The following AGTPBP1 variants were observed in gnomAD, a reference collection of about 807,000 sequenced individuals.
AGTPBP1 encodes the protein cytosolic carboxypeptidase 1.
Under a neutral mutation model 143.9 loss-of-function variants are expected in AGTPBP1, and 70 were observed. That is an observed-to-expected ratio of 0.49 (90% confidence interval 0.40 to 0.59). AGTPBP1 has a LOEUF of 0.59. AGTPBP1 is among the 20% of genes least tolerant of loss of function. The probability of loss-of-function intolerance (pLI) is 0.00; values close to 1 mark genes in which losing one functional copy is unlikely to be tolerated. For synonymous variants in AGTPBP1, 463 were observed against 500.2 expected, an observed-to-expected ratio of 0.93 and a Z score of 0.99; for missense variants, 1,229 against 1,464.5, an observed-to-expected ratio of 0.84 and a Z score of 2.62.
At chr9:85,695,212 A>G (rs1005772009) in intron 2 of AGTPBP1, among the ~76,000 whole-genome samples, 2 of 152,192 alleles carry the variant, frequency 1.3e-5, no homozygotes, top group African/African-American at 4.8e-5. Flanking sequence ...TACATTTCAC[A>G]TAACTATAGG....
At chr9:85,634,640 C>G (rs1831915307) in intron 13 of AGTPBP1, among the ~76,000 whole-genome samples, 1 of 151,974 alleles carries the variant, frequency 6.6e-6, no homozygotes, top group South Asian at 2.1e-4. Context: ...ACATTTTGGG[C>G]CAGATCATTC....
intron 9 of AGTPBP1, among the ~76,000 whole-genome samples, chr9:85,659,081 T>C (rs75390251): frequency 0.022 from 3,418 of 152,278 alleles, 133 homozygotes; most frequent in African/African-American, 0.073. Flanking sequence ...ATGGAATTTA[T>C]GAGAAATATT....
At chr9:85,609,572 CGCCCG>C (rs1830195011) in intron 17 of AGTPBP1, among the ~76,000 whole-genome samples, 1 of 152,096 alleles carries the variant, frequency 6.6e-6, no homozygotes. Context: ...TGAGCCACCG[CGCCCG>C]GCCAGATCTT....
chr9:85,690,408 C>A (rs934572765), intron 3 of AGTPBP1, among the ~76,000 whole-genome samples: 3 of 152,176 alleles, frequency 2.0e-5, no homozygotes, highest in African/African-American at 4.8e-5. Flanking sequence ...AGGAGTTAGA[C>A]CCCAGTGGTG....
the AGTPBP1 span, among the ~76,000 whole-genome samples, chr9:85,778,759 C>T: frequency 6.6e-6 from 1 of 152,154 alleles, no homozygotes; most frequent in African/African-American, 2.4e-5. Context: ...CACCACTGGA[C>T]CCCTAGAAAT....
At chr9:85,768,658 T>C in the AGTPBP1 span, among the ~76,000 whole-genome samples, 6 of 152,332 alleles carry the variant, frequency 3.9e-5, no homozygotes, top group South Asian at 2.1e-4. Flanking sequence ...TTATTCCTTA[T>C]GGAGCAATTA....
rs115117229 is a variant in AGTPBP1, at chr9:85,712,681, G to A, written c.-33-115C>T. ...ATTATGGGCAACACAAGATAACACCGGAAACAAAAAGAGAACATTTGAGTT... is the reference window on the plus strand; with the variant it reads ...ATTATGGGCAACACAAGATAACACCAGAAACAAAAAGAGAACATTTGAGTT... On this transcript the variant is annotated intron_variant, in intron 1 of 25. Transcript: ENST00000357081. 1,240 of 434,428 alleles carry A rather than the reference G, an allele frequency of 2.9e-3. 17 individuals carry two copies. The highest frequency in any genetic ancestry group is 0.023 in the African/African-American group (1,120 of 49,098). The allele number at this position is 434,428 out of a possible 1,614,324, so 26.9% of individuals were successfully genotyped here.
chr9:85,550,716 C>T (rs1825988505), intron 25 of AGTPBP1, among the ~76,000 whole-genome samples: 1 of 152,156 alleles, frequency 6.6e-6, no homozygotes, highest in Non-Finnish European at 1.5e-5. Flanking sequence ...ACCGTTCTCC[C>T]CACCAAGCCC....
At chr9:85,550,345 T>C (rs1228984701) in intron 25 of AGTPBP1, among the ~76,000 whole-genome samples, 1 of 152,136 alleles carries the variant, frequency 6.6e-6, no homozygotes, top group East Asian at 1.9e-4. Context: ...CCAATCACCA[T>C]TTTCCAGTCC....
the AGTPBP1 span, among the ~76,000 whole-genome samples, chr9:85,779,546 G>T: frequency 1.3e-5 from 2 of 151,956 alleles, no homozygotes; most frequent in Non-Finnish European, 2.9e-5. Context: ...CCAGATTAAG[G>T]GTGGGTGTGC....
intron 4 of AGTPBP1, among the ~76,000 whole-genome samples, chr9:85,681,007 A>G (rs895844599): frequency 7.9e-5 from 12 of 152,246 alleles, no homozygotes; most frequent in Non-Finnish European, 1.6e-4. Context: ...TTATAATCAT[A>G]TAAGGGAAAT....
At chr9:85,633,473 G>A in intron 13 of AGTPBP1, 99 bp from the exon 14 acceptor site, 1 of 984,932 alleles carries the variant, frequency 1.0e-6, no homozygotes, top group East Asian at 3.1e-5. Context: ...AGAAATTTTT[G>A]GAAATTTTAA....
chr9:85,668,968 TGTGTGTG>T (rs1158486093), intron 8 of AGTPBP1, among the ~76,000 whole-genome samples: 1 of 13,378 alleles, frequency 7.5e-5, no homozygotes, highest in Admixed American at 6.8e-4. Flanking sequence ...CATACATACA[TGTGTGTG>T]TGTGTGTGTG....
chr9:85,773,251 A>C, the AGTPBP1 span, among the ~76,000 whole-genome samples: 6,072 of 99,812 alleles, frequency 0.061, 632 homozygotes, highest in African/African-American at 0.21. Flanking sequence ...GGTGACAGAG[A>C]GAGACTCCTT....
At chr9:85,709,810 C>T (rs1837252051) in intron 2 of AGTPBP1, among the ~76,000 whole-genome samples, 1 of 152,016 alleles carries the variant, frequency 6.6e-6, no homozygotes, top group Admixed American at 6.6e-5. Flanking sequence ...AGGGCATGAC[C>T]ATAATGGTAA....
chr9:85,634,887 T>A (rs191301759), intron 13 of AGTPBP1, among the ~76,000 whole-genome samples: 113 of 152,312 alleles, frequency 7.4e-4, no homozygotes, highest in African/African-American at 2.6e-3. Context: ...ATATTCCCAG[T>A]AACTATACAT....
In AGTPBP1 at chr9:85,611,155, CTTTTTTTT is replaced by C. The variant is rs56023115; in HGVS notation, c.2335+7820_2335+7827del. The stretch of plus-strand genomic sequence containing the variant: ...TGTATCTTGTGGTTTAGGGGCTTTT[CTTTTTTTT>C]TTTTTTTTTTTGCATTTTACATTTT... On this transcript the variant is annotated intron_variant, in intron 17 of 25. Transcript: ENST00000357081. 1.2e-4 allele frequency among the ~76,000 whole-genome samples: 14 copies of C among 112,740 alleles called. 1 individual carries two copies. Among genetic ancestry groups the C allele is most frequent in the African/African-American group, 4.0e-4 (12 of 29,698 alleles). The allele number at this position is 112,740 out of a possible 152,430, so 74.0% of individuals were successfully genotyped here. A position where few individuals can be genotyped will look rare whatever the true frequency, so the allele number is the denominator to read the frequency against.
intron 1 of AGTPBP1, among the ~76,000 whole-genome samples, chr9:85,738,063 A>ACTTTTTTTT (rs1823926837): frequency 6.6e-6 from 1 of 152,258 alleles, no homozygotes; most frequent in African/African-American, 2.4e-5. Context: ...TTTGTTTTAA[A>ACTTTTTTTT]AAAAAGTTGT....
At chr9:85,632,495 C>G (rs896427702) in intron 14 of AGTPBP1, among the ~76,000 whole-genome samples, 167 bp downstream of exon 14, 2 of 152,144 alleles carry the variant, frequency 1.3e-5, no homozygotes, top group Middle Eastern at 3.2e-3. Flanking sequence ...AGTAAACCAA[C>G]AAGGACAATT....
Sources: gnomAD v4.1 joint callset for allele counts (sites outside exome capture counted in the v4.1 genomes callset) on GRCh38, gnomAD v4.1.1 for gene constraint, MANE v1.5 for transcripts, NCBI Gene and HGNC (gene_info 2026-07-23, HGNC 2026-07-21) for gene names.